The following ZNF93 variants were observed in gnomAD, a reference collection of about 807,000 sequenced individuals.
ZNF93 encodes the protein zinc finger protein 93, also known as zinc finger protein 505.
In ZNF93, 29 loss-of-function variants were observed where a neutral mutation model predicts 45.0. The ratio of observed to expected loss-of-function variants is 0.64; its 90% CI spans 0.48 to 0.88. The LOEUF (loss-of-function observed/expected upper bound fraction) is 0.88. ZNF93 is among the 40% of genes least tolerant of loss of function. The pLI is 0.00. For missense variants in ZNF93, 578 were observed against 724.0 expected (o/e 0.80, Z 2.31); for synonymous variants, 223 against 244.6 (o/e 0.91, Z 0.82).
Position 19,927,994 on chromosome 19 carries a change from A to C in ZNF93, c.227-5188A>C, listed in dbSNP as rs142412311. On this transcript the variant is annotated intron_variant, in intron 3 of 3. Transcript: ENST00000343769. ...AACTTCTGACCTCAGGTATCTGCCA[A>C]CCTCACCCTCCCCAGTTGCTAGGAT... is the stretch of plus-strand genomic sequence containing the variant. Among the ~76,000 whole-genome samples, 1,499 of 152,136 alleles carry C rather than the reference A, an allele frequency of 9.9e-3. 15 individuals carry two copies. Among genetic ancestry groups the C allele is most frequent in the South Asian group, 0.029 (140 of 4,810 alleles).
intron 3 of ZNF93, among the ~76,000 whole-genome samples, chr19:19,927,866 G>A (rs1391633952): frequency 1.3e-5 from 2 of 152,082 alleles, no homozygotes; most frequent in African/African-American, 2.4e-5. Flanking sequence ...TTGTACCTCA[G>A]CCTCCCAAGT....
chr19:19,916,664 G>A lies in ZNF93; in HGVS notation c.226+9G>A, dbSNP rs924744713. 4 of 1,593,614 alleles carry A rather than the reference G, an allele frequency of 2.5e-6. No homozygotes were observed. The highest frequency in any genetic ancestry group is 3.4e-6 in the Non-Finnish European group (4 of 1,169,286). The stretch of plus-strand genomic sequence containing the variant: ...GGTAGCCAACCCCTCAGGTAGGTGT[G>A]AGTGAAAATGAATACAACAGACAAC... On this transcript the variant is annotated intron_variant, in intron 3 of 3. Coordinates refer to ENST00000343769, the MANE Select transcript of ZNF93 (RefSeq NM_031218.4).
At position 19,933,162 on chromosome 19, in the gene ZNF93, GT is replaced by G; in HGVS notation, c.227-15del. On this transcript the variant is annotated intron_variant, in intron 3 of 3. Transcript: ENST00000343769. ...CTGAGTCTAGCAATTGAAGTAATGT[GT>G]TTTTATTGTTTCTTTCAGTTATATG... 6.8e-7 allele frequency: 1 copy of G among 1,477,960 alleles called. No individual in the cohort carries two copies. Among genetic ancestry groups the G allele is most frequent in the Non-Finnish European group, 9.0e-7 (1 of 1,111,488 alleles). 91.6% of individuals were successfully genotyped at this position (1,477,960 alleles called of 1,614,324 possible). A position where few individuals can be genotyped will look rare whatever the true frequency, so the allele number is the denominator to read the frequency against.
chr19:19,927,613 T>G (rs900398908), intron 3 of ZNF93, among the ~76,000 whole-genome samples: 1 of 152,236 alleles, frequency 6.6e-6, no homozygotes, highest in Non-Finnish European at 1.5e-5. Flanking sequence ...TGACATAATA[T>G]TCACAAGGTT....
intron 3 of ZNF93, among the ~76,000 whole-genome samples, chr19:19,922,256 A>G (rs1291595096): frequency 1.3e-5 from 2 of 152,220 alleles, no homozygotes; most frequent in African/African-American, 2.4e-5. Flanking sequence ...TTCTTTAAGA[A>G]TGTTGAATAT....
chr19:19,914,484 T>C (rs1271618199), intron 1 of ZNF93, among the ~76,000 whole-genome samples: 1 of 152,232 alleles, frequency 6.6e-6, no homozygotes, highest in African/African-American at 2.4e-5. Context: ...ACAGTGATAC[T>C]GTGTTCTGTG....
chr19:19,920,223 T>C lies in ZNF93; in HGVS notation c.226+3568T>C, dbSNP rs540462681. On this transcript the variant is annotated intron_variant, in intron 3 of 3. Coordinates refer to ENST00000343769, the MANE Select transcript of ZNF93 (RefSeq NM_031218.4). Reference sequence around the variant, plus strand: ...ATTGAGATAATCATGTGGTTTTTGTTGTTGGTTCTGTTTATATGCTGGATT... The same window carrying C: ...ATTGAGATAATCATGTGGTTTTTGTCGTTGGTTCTGTTTATATGCTGGATT... Among the ~76,000 whole-genome samples, 140 of 152,310 alleles carry C rather than the reference T, an allele frequency of 9.2e-4. 1 individual carries two copies. Among genetic ancestry groups the C allele is most frequent in the Admixed American group, 1.4e-3 (22 of 15,286 alleles).
At chr19:19,909,151 C>G (rs2063300989) in intron 1 of ZNF93, 1 of 152,262 alleles carries the variant, frequency 6.6e-6, no homozygotes, top group Non-Finnish European at 1.5e-5. Flanking sequence ...AGACGTCACT[C>G]TCTGATGTGA....
At chr19:19,932,221 C>CA in intron 3 of ZNF93, 1 of 159,762 alleles carries the variant, frequency 6.3e-6, no homozygotes, top group Non-Finnish European at 1.4e-5. Context: ...GCCTGGGAGA[C>CA]AGAGTGAGAC....
chr19:19,922,767 G>C (rs555069004), intron 3 of ZNF93, among the ~76,000 whole-genome samples: 29 of 152,192 alleles, frequency 1.9e-4, no homozygotes, highest in Admixed American at 1.2e-3. Flanking sequence ...CATAGTTCTC[G>C]TGCCATGGTT....
intron 1 of ZNF93, among the ~76,000 whole-genome samples, chr19:19,912,935 T>C (rs2063313568): frequency 6.6e-6 from 1 of 152,238 alleles, no homozygotes; most frequent in Non-Finnish European, 1.5e-5. Flanking sequence ...TACAGACTTA[T>C]TCAGATATTG....
chr19:19,926,013 C>T (rs1192615189), intron 3 of ZNF93: 2 of 151,552 alleles, frequency 1.3e-5, no homozygotes, highest in African/African-American at 2.4e-5. Context: ...CAGTGCATAC[C>T]AATGATTCAA....
Position 19,934,117 on chromosome 19 carries a change from A to G in ZNF93, c.1162A>G (p.Lys388Glu). ...FIWSSVLTRH[K>E]RVHTGEKPYK... is the part of the protein sequence containing the mutation. ...TTGGTCCTCAGTCCTAACTAGACATAAGAGAGTTCATACTGGAGAGAAGCC... is the reference window on the plus strand; with the variant it reads ...TTGGTCCTCAGTCCTAACTAGACATGAGAGAGTTCATACTGGAGAGAAGCC... Residue 388 changes from lysine (K) to glutamate (E), a missense_variant, in exon 4 of 4, where the codon AAG becomes GAG. Lys to Glu is a moderately conservative substitution (Grantham distance 56). Coordinates refer to ENST00000343769, the MANE Select transcript of ZNF93 (RefSeq NM_031218.4). 2 of 1,611,236 alleles carry G rather than the reference A, an allele frequency of 1.2e-6. No individual in the cohort carries two copies. The highest frequency in any genetic ancestry group is 2.2e-5 in the South Asian group (2 of 91,030).
chr19:19,924,068 C>A (rs1216918669), intron 3 of ZNF93, among the ~76,000 whole-genome samples: 2 of 151,700 alleles, frequency 1.3e-5, no homozygotes, highest in African/African-American at 4.8e-5. Flanking sequence ...CTGTCCCCTT[C>A]CTTCCTTCCT....
chr19:19,932,198 A>G (rs1206106257), intron 3 of ZNF93: 3 of 162,550 alleles, frequency 1.8e-5, no homozygotes, highest in African/African-American at 4.8e-5. Flanking sequence ...ACTAGAACCC[A>G]GGAGGCACTC....
At chr19:19,921,705 C>T (rs982103152) in intron 3 of ZNF93, among the ~76,000 whole-genome samples, 3 of 151,944 alleles carry the variant, frequency 2.0e-5, no homozygotes, top group Non-Finnish European at 2.9e-5. Context: ...TAATGGCCTT[C>T]TTTGTCTCTT....
chr19:19,930,867 C>G (rs1395715136), intron 3 of ZNF93, among the ~76,000 whole-genome samples: 3 of 152,042 alleles, frequency 2.0e-5, no homozygotes, highest in East Asian at 1.9e-4. Context: ...AGCTCATGTC[C>G]TTGGTCTCCT....
intron 3 of ZNF93, among the ~76,000 whole-genome samples, chr19:19,923,768 G>A (rs1026903705): frequency 6.6e-6 from 1 of 152,184 alleles, no homozygotes; most frequent in Non-Finnish European, 1.5e-5. Context: ...TGTCAGAAAA[G>A]TGCAGTATTA....
At chr19:19,924,131 A>C (rs1389884354) in intron 3 of ZNF93, among the ~76,000 whole-genome samples, 1 of 152,018 alleles carries the variant, frequency 6.6e-6, no homozygotes, top group African/African-American at 2.4e-5. Flanking sequence ...CTTGTTGCCC[A>C]GGCTGGAGTG....
Sources: allele counts gnomAD v4.1 joint callset (sites outside exome capture counted in the v4.1 genomes callset), GRCh38; gene constraint gnomAD v4.1.1; transcripts MANE v1.5; gene names NCBI Gene and HGNC (gene_info 2026-07-23, HGNC 2026-07-21).